The following IGSF10 variants were observed in gnomAD, a reference collection of about 807,000 sequenced individuals.
IGSF10 encodes the protein calvaria mechanical force protein 608.
A neutral mutation model predicts 128.2 loss-of-function variants in IGSF10; 126 were observed. That is an observed-to-expected ratio of 0.98 (90% CI 0.85 to 1.14). The LOEUF (loss-of-function observed/expected upper bound fraction) is 1.14. Among genes scored for constraint, IGSF10 ranks in the 50% most tolerant of loss-of-function variants. IGSF10 has a pLI of 0.00. For synonymous variants in IGSF10, 1,185 were observed against 1,146.2 expected (o/e 1.03, Z -0.68); for missense variants, 3,295 against 3,149.8 (o/e 1.05, Z -1.10).
chr3:151,537,720 TA>T, the IGSF10 span, among the ~76,000 whole-genome samples: 102 of 149,576 alleles, frequency 6.8e-4, 1 homozygote, highest in African/African-American at 2.5e-3. Context: ...CATGGACTCT[TA>T]AAAAAAATAA....
chr3:151,488,521 T>A, the IGSF10 span, among the ~76,000 whole-genome samples: 6 of 152,180 alleles, frequency 3.9e-5, no homozygotes, highest in African/African-American at 1.4e-4. Flanking sequence ...GCCAAGATAA[T>A]CCTAAGCAAA....
chr3:151,578,157 C>G, the IGSF10 span, among the ~76,000 whole-genome samples: 1 of 152,018 alleles, frequency 6.6e-6, no homozygotes, highest in East Asian at 1.9e-4. Flanking sequence ...TTCATATCTT[C>G]AATAAAATTT....
the IGSF10 span, among the ~76,000 whole-genome samples, chr3:151,601,937 C>A: frequency 6.6e-6 from 1 of 152,152 alleles, no homozygotes; most frequent in African/African-American, 2.4e-5. Context: ...CAAATGTCCT[C>A]ACAAGTATGC....
chr3:151,592,579 A>G, the IGSF10 span, among the ~76,000 whole-genome samples: 2 of 152,188 alleles, frequency 1.3e-5, no homozygotes, highest in Non-Finnish European at 2.9e-5. Context: ...AGCAGGCAGT[A>G]TGCAGGTCTG....
Position 151,443,254 on chromosome 3 carries a change from G to C in IGSF10, c.5693C>G (p.Ser1898Ter). 1 of 1,611,524 alleles carries C rather than the reference G, an allele frequency of 6.2e-7. No homozygotes were observed. Among genetic ancestry groups the C allele is most frequent in the Non-Finnish European group, 8.5e-7 (1 of 1,178,568 alleles). ...GTTTCTTATATACAAAGTCCCATTTGAAAATAAGAACAACTTGGAATTGGT... is the reference window on the plus strand; with the variant it reads ...GTTTCTTATATACAAAGTCCCATTTCAAAATAAGAACAACTTGGAATTGGT... ...QFTNSKLFLF[S>*]NGTLYIRNLA... Residue 1898 changes from serine to a stop codon, truncating the protein, a stop_gained, in exon 7 of 8, where the codon TCA becomes TGA. Transcript: ENST00000282466. LOFTEE classifies it high-confidence loss of function.
At chr3:151,516,122 C>T in the IGSF10 span, among the ~76,000 whole-genome samples, 6 of 151,926 alleles carry the variant, frequency 3.9e-5, no homozygotes, top group South Asian at 2.1e-4. Context: ...TTGCTGTCCA[C>T]GCTACAGCAG....
chr3:151,499,916 T>C, the IGSF10 span: 4 of 152,090 alleles, frequency 2.6e-5, no homozygotes, highest in Admixed American at 1.3e-4. Flanking sequence ...GATGAGCGAC[T>C]TGGTGTTTTA....
the IGSF10 span, among the ~76,000 whole-genome samples, chr3:151,592,050 A>G: frequency 6.6e-6 from 1 of 152,184 alleles, no homozygotes; most frequent in Non-Finnish European, 1.5e-5. Context: ...CTGAAGTAGT[A>G]ACAAAGTATA....
intron 3 of IGSF10, among the ~76,000 whole-genome samples, chr3:151,458,044 TTTAA>T (rs1327664276): frequency 6.6e-6 from 1 of 152,042 alleles, no homozygotes; most frequent in East Asian, 1.9e-4. Context: ...TTTTTAAAAA[TTTAA>T]TTAGGCATCC....
intron 7 of IGSF10, among the ~76,000 whole-genome samples, chr3:151,442,029 C>T (rs1466616050): frequency 6.6e-6 from 1 of 152,190 alleles, no homozygotes; most frequent in Non-Finnish European, 1.5e-5. Flanking sequence ...CCACTGCACT[C>T]CAGCCTGGGC....
At chr3:151,582,263 T>G in the IGSF10 span, among the ~76,000 whole-genome samples, 1 of 117,346 alleles carries the variant, frequency 8.5e-6, no homozygotes, top group South Asian at 2.8e-4. Context: ...ATATTTTTAT[T>G]TTTAAATAAA....
At chr3:151,457,272 G>T in intron 3 of IGSF10, 117 bp from the exon 4 acceptor site, 1 of 952,434 alleles carries the variant, frequency 1.0e-6, no homozygotes, top group Non-Finnish European at 1.5e-6. Flanking sequence ...GTACTCTATT[G>T]AGACAATCAA....
At chr3:151,478,209 CAGA>C in the IGSF10 span, among the ~76,000 whole-genome samples, 1 of 152,182 alleles carries the variant, frequency 6.6e-6, no homozygotes, top group Admixed American at 6.5e-5. Context: ...GGAACACAGT[CAGA>C]AGGTGAGATT....
chr3:151,486,173 G>A, the IGSF10 span, among the ~76,000 whole-genome samples: 1 of 152,090 alleles, frequency 6.6e-6, no homozygotes, highest in Non-Finnish European at 1.5e-5. Flanking sequence ...TGCAATCCTA[G>A]TATCTGATAA....
chr3:151,578,771 G>GA, the IGSF10 span, among the ~76,000 whole-genome samples: 3 of 152,058 alleles, frequency 2.0e-5, no homozygotes, highest in Non-Finnish European at 2.9e-5. Context: ...AGAAGAAATA[G>GA]AAAAAAAGAT....
At chr3:151,607,288 T>C in the IGSF10 span, among the ~76,000 whole-genome samples, 3 of 152,180 alleles carry the variant, frequency 2.0e-5, no homozygotes, top group Non-Finnish European at 4.4e-5. Flanking sequence ...ACATTATCCC[T>C]AAAAATAGGG....
At chr3:151,495,586 T>A in the IGSF10 span, among the ~76,000 whole-genome samples, 2,924 of 151,868 alleles carry the variant, frequency 0.019, 68 homozygotes, top group East Asian at 0.063. Flanking sequence ...CTGTTTTTTT[T>A]ATCAGACCTT....
the IGSF10 span, among the ~76,000 whole-genome samples, chr3:151,514,118 A>AC: frequency 2.6e-4 from 39 of 151,780 alleles, no homozygotes; most frequent in African/African-American, 8.2e-4. Context: ...TTGGAAAAAA[A>AC]TACTTTAAAG....
chr3:151,459,669 A>C (rs546097857), intron 2 of IGSF10, among the ~76,000 whole-genome samples: 45 of 152,254 alleles, frequency 3.0e-4, no homozygotes, highest in Non-Finnish European at 5.9e-4. Flanking sequence ...TCAGCTTGTC[A>C]GAAAAAAAAA....
Sources: allele counts gnomAD v4.1 joint callset (sites outside exome capture counted in the v4.1 genomes callset), GRCh38; gene constraint gnomAD v4.1.1; transcripts MANE v1.5; gene names NCBI Gene and HGNC (gene_info 2026-07-23, HGNC 2026-07-21).